The following COL8A2 variants were observed in gnomAD, a reference collection of about 807,000 sequenced individuals.
The protein encoded by COL8A2 is collagen type VIII alpha 2 chain, also known as collagen alpha-2(VIII) chain.
COL8A2 carries 16 observed loss-of-function variants against 24.0 expected under a neutral mutation model. The ratio of observed to expected loss-of-function variants is 0.67; its 90% CI spans 0.45 to 1.01. The LOEUF is 1.01. Ranked by LOEUF, COL8A2 falls within the 50% of genes least tolerant of loss-of-function variation. The pLI, the probability that COL8A2 is intolerant of heterozygous loss-of-function variation, is 0.00. For missense variants in COL8A2, 818 were observed against 942.4 expected, an observed-to-expected ratio of 0.87 and a Z score of 1.73; for synonymous variants, 466 against 424.5, an observed-to-expected ratio of 1.10 and a Z score of -1.20.
rs938255920 is a variant in COL8A2 at position 36,096,275 on chromosome 1, G to A, written c.*1294C>T. 2 of 152,332 alleles carry A rather than the reference G, an allele frequency of 1.3e-5. No homozygotes were observed. Among genetic ancestry groups the A allele is most frequent in the East Asian group, 3.9e-4 (2 of 5,184 alleles). 9.4% of individuals were successfully genotyped at this position (152,332 alleles called of 1,614,324 possible). A position where few individuals can be genotyped will look rare whatever the true frequency, so the allele number is the denominator to read the frequency against. The stretch of plus-strand genomic sequence containing the variant: ...CGCTTGACGTAGGGACTGAGGGGTT[G>A]GGAGGGGCATCCTGCCTGTTTCCTG... On this transcript the variant is annotated 3_prime_UTR_variant, in exon 4 of 4. Transcript: ENST00000397799.
Position 36,098,848 on chromosome 1 carries a change from T to C in COL8A2, c.833A>G (p.Asp278Gly). 1 of 1,611,916 alleles carries C rather than the reference T, an allele frequency of 6.2e-7. No homozygotes were observed. The highest frequency in any genetic ancestry group is 8.5e-7 in the Non-Finnish European group (1 of 1,179,632). Residue 278 changes from aspartate to glycine, a missense_variant, in exon 4 of 4, where the codon GAC becomes GGC. Asp to Gly is a moderately conservative substitution (Grantham distance 94, BLOSUM62 -1). Transcript: ENST00000397799. ...TGCTGCCCCTGGGACTCCCACACCG[T>C]CTACTCCAGGAGGTCCTTTTGGGCC... ...AVGPKGPPGV[D>G]GVGVPGAAGL...
At chr1:36,112,065 G>C (rs915927667) in intron 2 of COL8A2, among the ~76,000 whole-genome samples, 1 of 152,038 alleles carries the variant, frequency 6.6e-6, no homozygotes, top group Non-Finnish European at 1.5e-5. Context: ...GTGCAGTGAC[G>C]CGATCTTGGC....
rs200964811 is a variant in COL8A2 at position 36,098,766 on chromosome 1, G to T, written c.915C>A (p.Gly305=). 167 of 1,611,580 alleles carry T rather than the reference G, an allele frequency of 1.0e-4. 1 individual carries two copies. The highest frequency in any genetic ancestry group is 2.5e-4 in the Admixed American group (15 of 59,964). Residue 305 remains glycine, a synonymous_variant, in exon 4 of 4, where the codon GGC becomes GGA. Coordinates refer to ENST00000397799, the MANE Select transcript of COL8A2 (RefSeq NM_005202.4). ...CAGTGGGGCCTATCAGCCCAGGGGG[G>T]CCCCGGGTCCCTGGCTCCCCTTTGG... ...SGAKGEPGTR[G]PPGLIGPTGY...
In COL8A2 at chr1:36,099,039, C is replaced by G. The variant is rs751810211; in HGVS notation, c.642G>C (p.Gly214=). The G allele has an allele frequency of 2.0e-6, 3 of 1,531,956 alleles. No individual in the cohort carries two copies. The East Asian group carries it at 6.9e-5, about 35-fold the overall frequency. 94.9% of individuals were successfully genotyped at this position (1,531,956 alleles called of 1,614,324 possible). ...CCCCCTGCCCTGGGGCCCCAGGCAG[C>G]CCGGGCTGGCCCACTCCATTATCCC... is the stretch of plus-strand genomic sequence containing the variant. ...LKGDNGVGQP[G]LPGAPGQGGA... The change falls in exon 4 of 4, where the codon GGG becomes GGC. Residue 214 remains glycine (G), a synonymous_variant. Coordinates refer to ENST00000397799, the MANE Select transcript of COL8A2 (RefSeq NM_005202.4).
At position 36,103,615 on chromosome 1, in the gene COL8A2, T is replaced by C. The variant is rs112959669; in HGVS notation, c.-16-3357A>G. On this transcript the variant is annotated intron_variant, in intron 2 of 3. Transcript: ENST00000397799. ...TTTTTTTGAGACAGAGTTTTGCTTC[T>C]GTCACCCAGGCTGGAGTGCAATGAA... Among the ~76,000 whole-genome samples the C allele has an allele frequency of 9.5e-3, 1,441 of 151,922 alleles. 26 individuals are homozygous for C. The highest frequency in any genetic ancestry group is 0.033 in the African/African-American group (1,350 of 41,442).
intron 1 of COL8A2, among the ~76,000 whole-genome samples, chr1:36,116,443 C>T (rs1025389837): frequency 1.3e-5 from 2 of 152,216 alleles, no homozygotes; most frequent in Non-Finnish European, 2.9e-5. Flanking sequence ...GTTAGGATCC[C>T]TGCTGGGGAA....
At chr1:36,109,576 C>T (rs929679584) in intron 2 of COL8A2, among the ~76,000 whole-genome samples, 3 of 124,404 alleles carry the variant, frequency 2.4e-5, no homozygotes, top group Middle Eastern at 4.0e-3. Context: ...TATGGAGTAA[C>T]CACTCTTTTT....
rs774061260 is a variant in COL8A2, at chr1:36,098,530, C to T, written c.1151G>A (p.Gly384Glu). 2 of 1,596,820 alleles carry T rather than the reference C, an allele frequency of 1.3e-6. No individual in the cohort carries two copies. The highest frequency in any genetic ancestry group is 8.5e-7 in the Non-Finnish European group (1 of 1,172,712). ...AATGCCAGGCACTCCTGGGGGTCCT[C>T]CAGGCCCTGCCTCACCCTTAGGCCC... is the stretch of plus-strand genomic sequence containing the variant. Reference protein sequence around the residue: ...PPGPKGEAGPGGPPGVPGIRG... With the variant: ...PPGPKGEAGPEGPPGVPGIRG... Residue 384 changes from glycine to glutamate, a missense_variant, in exon 4 of 4, where the codon GGA becomes GAA. Gly to Glu is a moderately conservative substitution (Grantham distance 98, BLOSUM62 -2). Coordinates refer to ENST00000397799, the MANE Select transcript of COL8A2 (RefSeq NM_005202.4).
chr1:36,100,122 C>G lies in COL8A2; in HGVS notation c.121G>C (p.Val41Leu). The part of the protein sequence containing the change: ...GAGGAAGYAP[V>L]KYIQPMQKGP... ...TTCTGCATGGGCTGGATGTACTTCACTGGGGCATAGCCCGCCGCCCCACCG... is the reference window on the plus strand; with the variant it reads ...TTCTGCATGGGCTGGATGTACTTCAGTGGGGCATAGCCCGCCGCCCCACCG... The change falls in exon 3 of 4, where the codon GTG (valine) becomes CTG (leucine). Residue 41 changes from valine (V) to leucine (L), a missense_variant. By Grantham distance (32) the Val-to-Leu change is conservative. Transcript: ENST00000397799. 6.2e-7 allele frequency: 1 copy of G among 1,613,100 alleles called. No homozygotes were observed. Among genetic ancestry groups the G allele is most frequent in the Non-Finnish European group, 8.5e-7 (1 of 1,179,556 alleles).
chr1:36,115,959 G>T lies in COL8A2; in HGVS notation c.-61-207C>A, dbSNP rs997040955. Among the ~76,000 whole-genome samples the T allele has an allele frequency of 6.6e-6, 1 of 151,946 alleles. No individual in the cohort carries two copies. Among genetic ancestry groups the T allele is most frequent in the African/African-American group, 2.4e-5 (1 of 41,340 alleles). On this transcript the variant is annotated intron_variant, in intron 1 of 3. Transcript: ENST00000397799. This position sits in a 1 kb window ranked among gnomAD's most constrained non-coding sequence, Gnocchi z 5.7. ...CACGCCTATAGTCCCAGCTACTTAG[G>T]AGGCTGAGGTGGGTGGTATTGCTTG... is the stretch of plus-strand genomic sequence containing the variant.
rs1452409221 is a variant in COL8A2 at position 36,099,425 on chromosome 1, C to T, written c.256G>A (p.Gly86Arg). 1.9e-6 allele frequency: 3 copies of T among 1,549,170 alleles called. No individual in the cohort carries two copies. The highest frequency in any genetic ancestry group is 1.4e-5 in the African/African-American group (1 of 73,942). Residue 86 changes from glycine (G) to arginine (R), a missense_variant, in exon 4 of 4, where the codon GGG becomes AGG. Gly to Arg is a moderately radical substitution (Grantham distance 125). Coordinates refer to ENST00000397799, the MANE Select transcript of COL8A2 (RefSeq NM_005202.4). The stretch of plus-strand genomic sequence containing the variant: ...GGGGGGCCAGGGGGACCCCGAGGCC[C>T]GGGCTTCCCAGGGGGGCCGGGCTCT... Reference protein sequence around the residue: ...KGEPGPPGKPGPRGPPGPPGF... With the variant: ...KGEPGPPGKPRPRGPPGPPGF...
In COL8A2 at chr1:36,098,419, C is replaced by A; in HGVS notation, c.1262G>T (p.Gly421Val). 6.3e-7 allele frequency: 1 copy of A among 1,581,438 alleles called. No homozygotes were observed. The highest frequency in any genetic ancestry group is 1.4e-5 in the African/African-American group (1 of 74,028). The change falls in exon 4 of 4, where the codon GGA (glycine) becomes GTA (valine). Residue 421 changes from glycine (G) to valine (V), a missense_variant. Coordinates refer to ENST00000397799, the MANE Select transcript of COL8A2 (RefSeq NM_005202.4). ...CGGCTCACCCTTGGGCCCAGTTGGT[C>A]CAGGGGGTCCATGGGCCCCAGGAAG... ...RGLPGAHGPPGPTGPKGEPGF... is the reference protein window; with the variant it reads ...RGLPGAHGPPVPTGPKGEPGF...
At chr1:36,121,869 G>A (rs1643917216) in intron 1 of COL8A2, among the ~76,000 whole-genome samples, 1 of 152,102 alleles carries the variant, frequency 6.6e-6, no homozygotes, top group African/African-American at 2.4e-5. Flanking sequence ...TGTGACCTCA[G>A]GTGAGTTCCC....
chr1:36,110,041 T>C (rs1240383462), intron 2 of COL8A2, among the ~76,000 whole-genome samples: 1 of 150,838 alleles, frequency 6.6e-6, no homozygotes, highest in Non-Finnish European at 1.5e-5. Context: ...GCCATTCTCC[T>C]GCCTCAGCCT....
chr1:36,103,475 G>A (rs1202318619), intron 2 of COL8A2, among the ~76,000 whole-genome samples: 1 of 151,910 alleles, frequency 6.6e-6, no homozygotes, highest in Non-Finnish European at 1.5e-5. Flanking sequence ...GGGTTTCACT[G>A]TGTTAGCCAG....
Position 36,099,184 on chromosome 1 carries a change from G to A in COL8A2, c.497C>T (p.Pro166Leu). 1 of 1,508,270 alleles carries A rather than the reference G, an allele frequency of 6.6e-7. No homozygotes were observed. The highest frequency in any genetic ancestry group is 8.9e-7 in the Non-Finnish European group (1 of 1,127,222). The allele number at this position is 1,508,270 out of a possible 1,614,324, so 93.4% of individuals were successfully genotyped here. The change falls in exon 4 of 4, where the codon CCC becomes CTC. Residue 166 changes from proline (P) to leucine (L), a missense_variant. By Grantham distance (98) the Pro-to-Leu change is moderately conservative. Coordinates refer to ENST00000397799, the MANE Select transcript of COL8A2 (RefSeq NM_005202.4). ...GPPGPPGLPG[P>L]SGITIPGKPG... ...TTTTCCAGGGATAGTAATGCCTGAG[G>A]GGCCCGGGAGGCCAGGGGGTCCTGG...
intron 2 of COL8A2, among the ~76,000 whole-genome samples, chr1:36,107,252 A>G (rs1282684274): frequency 1.3e-5 from 2 of 152,104 alleles, no homozygotes; most frequent in East Asian, 3.9e-4. Flanking sequence ...TAAAAATTTA[A>G]AAAATTACCC....
chr1:36,124,298 C>T (rs1643935360), intron 1 of COL8A2, among the ~76,000 whole-genome samples: 1 of 152,210 alleles, frequency 6.6e-6, no homozygotes, highest in Admixed American at 6.5e-5. Context: ...CAATAGCGTT[C>T]CTGGGCCCTC....
intron 1 of COL8A2, among the ~76,000 whole-genome samples, chr1:36,120,548 G>A (rs1472735624): frequency 1.3e-5 from 2 of 152,100 alleles, no homozygotes; most frequent in Non-Finnish European, 2.9e-5. Flanking sequence ...AGGAGTTCGA[G>A]AACAGCCTGA....
Sources: gnomAD v4.1 joint callset for allele counts (sites outside exome capture counted in the v4.1 genomes callset) on GRCh38, gnomAD v4.1.1 for gene constraint, Gnocchi (gnomAD v3.1) non-coding constraint, MANE v1.5 for transcripts, NCBI Gene and HGNC (gene_info 2026-07-23, HGNC 2026-07-21) for gene names.